Variants in ZNF618 observed in about 807,000 individuals in gnomAD.
ZNF618 encodes the protein zinc finger protein 618.
Under a neutral mutation model 103.0 loss-of-function variants are expected in ZNF618, and 34 were observed. That is an observed-to-expected ratio of 0.33 (90% CI 0.25 to 0.44). The LOEUF is 0.44. Ranked by LOEUF, ZNF618 falls within the 20% of genes least tolerant of loss-of-function variation. ZNF618 has a pLI of 1.00. For synonymous variants in ZNF618, 551 were observed against 542.2 expected, an observed-to-expected ratio of 1.02 and a Z score of -0.23; for missense variants, 1,059 against 1,295.4, an observed-to-expected ratio of 0.82 and a Z score of 2.80.
chr9:114,002,549 C>T (rs530328128), intron 5 of ZNF618, 75 bp from the exon 6 acceptor site: 5 of 1,509,054 alleles, frequency 3.3e-6, no homozygotes, highest in Non-Finnish European at 4.5e-6. Flanking sequence ...CTTCCATGTT[C>T]TCTTTTGCAC....
intron 1 of ZNF618, among the ~76,000 whole-genome samples, chr9:113,930,343 T>C (rs1384092261): frequency 1.3e-5 from 2 of 152,248 alleles, no homozygotes; most frequent in Non-Finnish European, 1.5e-5. Flanking sequence ...TAAAACTAGT[T>C]AGTTTAAATC....
Position 113,927,014 on chromosome 9 carries a change from A to G in ZNF618, c.34-42103A>G, listed in dbSNP as rs547597065. Among the ~76,000 whole-genome samples the G allele has an allele frequency of 1.1e-4, 16 of 152,342 alleles. 1 individual carries two copies. Among genetic ancestry groups the G allele is most frequent in the African/African-American group, 3.8e-4 (16 of 41,578 alleles). The stretch of plus-strand genomic sequence containing the variant: ...GGCAACAGAATGAGACCCTGTCTCA[A>G]AAATAAATAAATAAAAAGTAAATAA... On this transcript the variant is annotated intron_variant, in intron 1 of 14. Transcript: ENST00000374126.
chr9:113,922,570 T>C (rs943470874), intron 1 of ZNF618, among the ~76,000 whole-genome samples: 2 of 152,088 alleles, frequency 1.3e-5, no homozygotes, highest in African/African-American at 4.8e-5. Flanking sequence ...CTTTGTGCCT[T>C]TGTCAAATAT....
intron 11 of ZNF618, among the ~76,000 whole-genome samples, chr9:114,029,655 C>T (rs901597797): frequency 6.6e-6 from 1 of 152,118 alleles, no homozygotes; most frequent in African/African-American, 2.4e-5. Context: ...GTCATTTCAA[C>T]AAGGATCTGC....
At position 114,053,209 on chromosome 9, in the gene ZNF618, C is replaced by G. The variant is rs1473485650; in HGVS notation, c.*3042C>G. The G allele has an allele frequency of 6.6e-6, 1 of 152,572 alleles. No individual in the cohort carries two copies. Among genetic ancestry groups the G allele is most frequent in the Non-Finnish European group, 1.5e-5 (1 of 68,066 alleles). 9.5% of individuals were successfully genotyped at this position (152,572 alleles called of 1,614,324 possible). ...ATCTCACAGGTCCAGCCACTGGCCC[C>G]TTTATCTCCAACAATATCCACCTCA... On this transcript the variant is annotated 3_prime_UTR_variant, in exon 15 of 15. Transcript: ENST00000374126.
At chr9:113,937,563 C>G (rs749556556) in intron 1 of ZNF618, among the ~76,000 whole-genome samples, 1 of 152,194 alleles carries the variant, frequency 6.6e-6, no homozygotes, top group Non-Finnish European at 1.5e-5. Flanking sequence ...GCTCCTCGGT[C>G]TTTGTCTTTC....
At chr9:114,006,287 A>G (rs1343717527) in intron 6 of ZNF618, among the ~76,000 whole-genome samples, 1 of 152,232 alleles carries the variant, frequency 6.6e-6, no homozygotes, top group Non-Finnish European at 1.5e-5. Context: ...GAAGGGCCAC[A>G]TGCCCTGACT....
rs75537268 is a variant in ZNF618 at position 114,003,326 on chromosome 9, C to A, written c.550+664C>A. On this transcript the variant is annotated intron_variant, in intron 6 of 14. Transcript: ENST00000374126. The stretch of plus-strand genomic sequence containing the variant: ...GGTGTAGACTAGGATGGAATCTCCC[C>A]ACCCAATAATCTGAAGCTTCAGAAG... Among the ~76,000 whole-genome samples the A allele has an allele frequency of 9.7e-3, 1,482 of 152,254 alleles. 31 individuals carry two copies. Among genetic ancestry groups the A allele is most frequent in the African/African-American group, 0.033 (1,380 of 41,532 alleles).
Position 114,049,893 on chromosome 9 carries a change from A to G in ZNF618, c.2591A>G (p.Gln864Arg). Residue 864 changes from glutamine to arginine, a missense_variant, in exon 15 of 15, where the codon CAG becomes CGG. By Grantham distance (43) the Gln-to-Arg change is conservative. Around this residue, in one of 6 missense-constraint regions of ZNF618, gnomAD observed 156 missense variants for 197.1 expected, o/e 0.79. Coordinates refer to ENST00000374126, the MANE Select transcript of ZNF618 (RefSeq NM_001318042.2). ...GCTGCCGTCGAGAACCCCGCAGCTC[A>G]GGAAGATGATCGGCTAGGCAAAAAT... ...RSAAVENPAA[Q>R]EDDRLGKNEV... 1 of 1,613,952 alleles carries G rather than the reference A, an allele frequency of 6.2e-7. No homozygotes were observed. The highest frequency in any genetic ancestry group is 1.3e-5 in the African/African-American group (1 of 75,070).
chr9:114,042,003 C>A (rs2134480625), intron 13 of ZNF618, among the ~76,000 whole-genome samples: 1 of 152,162 alleles, frequency 6.6e-6, no homozygotes, highest in Non-Finnish European at 1.5e-5. Context: ...CTTTTATTTC[C>A]TTGAGCAGTG....
intron 1 of ZNF618, among the ~76,000 whole-genome samples, chr9:113,967,900 A>T (rs1298196336): frequency 6.6e-6 from 1 of 152,096 alleles, no homozygotes; most frequent in Admixed American, 6.6e-5. Flanking sequence ...TATCCAGTTT[A>T]ATAAGAGAAG....
rs568103748 is a variant in ZNF618, at chr9:113,913,925, C to A, written c.33+37512C>A. Among the ~76,000 whole-genome samples the A allele has an allele frequency of 3.9e-5, 6 of 152,222 alleles. No individual in the cohort carries two copies. The South Asian group carries it at 1.2e-3, about 32-fold the overall frequency. On this transcript the variant is annotated intron_variant, in intron 1 of 14. Coordinates refer to ENST00000374126, the MANE Select transcript of ZNF618 (RefSeq NM_001318042.2). ...GAGGAAGGTGGAGGTGAATTGAGGG[C>A]TAGATAAACCTGTGAATGGAACACA...
intron 1 of ZNF618, among the ~76,000 whole-genome samples, chr9:113,926,628 C>T (rs1392311490): frequency 6.6e-6 from 1 of 152,056 alleles, no homozygotes; most frequent in Non-Finnish European, 1.5e-5. Context: ...TTGATTCTCT[C>T]TTAGTTTCCA....
intron 11 of ZNF618, among the ~76,000 whole-genome samples, chr9:114,031,745 G>T (rs1273922250): frequency 1.3e-5 from 2 of 152,158 alleles, no homozygotes; most frequent in African/African-American, 4.8e-5. Flanking sequence ...TGGGCAAATT[G>T]TTTCTCCTTA....
At chr9:113,990,350 A>G (rs1426863245) in intron 3 of ZNF618, among the ~76,000 whole-genome samples, 2 of 152,122 alleles carry the variant, frequency 1.3e-5, no homozygotes, top group Non-Finnish European at 2.9e-5. Flanking sequence ...TGCCTGATTT[A>G]TGTCTCCATG....
At chr9:113,943,704 C>T (rs1834752009) in intron 1 of ZNF618, among the ~76,000 whole-genome samples, 1 of 151,950 alleles carries the variant, frequency 6.6e-6, no homozygotes, top group Admixed American at 6.6e-5. Context: ...CCCGAAAGTC[C>T]CACTCCGGGC....
At chr9:113,889,350 T>TCTCC (rs1554718054) in intron 1 of ZNF618, among the ~76,000 whole-genome samples, 4 of 148,360 alleles carry the variant, frequency 2.7e-5, no homozygotes, top group African/African-American at 9.7e-5. Flanking sequence ...TCTCTCTTTC[T>TCTCC]CTCCCTCCCT....
intron 1 of ZNF618, among the ~76,000 whole-genome samples, chr9:113,965,293 T>C (rs10982018): frequency 0.037 from 5,689 of 152,270 alleles, 149 homozygotes; most frequent in Non-Finnish European, 0.06. Flanking sequence ...TGCACAAATT[T>C]AGAAATAAAA....
At chr9:113,930,638 G>A (rs1365025664) in intron 1 of ZNF618, among the ~76,000 whole-genome samples, 1 of 152,248 alleles carries the variant, frequency 6.6e-6, no homozygotes, top group Non-Finnish European at 1.5e-5. Flanking sequence ...AGTCAGTGCA[G>A]TAACGTACTC....
Sources: gnomAD v4.1 joint callset for allele counts (sites outside exome capture counted in the v4.1 genomes callset) on GRCh38, gnomAD v4.1.1 for gene constraint, gnomAD v4.1.1 regional missense constraint, MANE v1.5 for transcripts, NCBI Gene and HGNC (gene_info 2026-07-23, HGNC 2026-07-21) for gene names.